CELF2: variants seen among roughly 807,000 people sequenced by gnomAD.
CELF2 encodes CUGBP Elav-like family member 2, also known as CUG triplet repeat RNA-binding protein 2.
In CELF2, 8 loss-of-function variants were observed where a neutral mutation model predicts 62.6. The observed-to-expected ratio is 0.13, with a 90% CI of 0.07 to 0.23. The LOEUF (loss-of-function observed/expected upper bound fraction) is 0.23. CELF2 is among the 10% of genes least tolerant of loss of function. The probability of loss-of-function intolerance (pLI) is 1.00; values close to 1 mark genes in which losing one functional copy is unlikely to be tolerated. For missense variants in CELF2, 333 were observed against 671.0 expected (o/e 0.50, Z 5.56); for synonymous variants, 258 against 250.0 (o/e 1.03, Z -0.30).
intron 1 of CELF2, among the ~76,000 whole-genome samples, chr10:10,860,106 C>CA (rs1213284244): frequency 6.6e-6 from 1 of 151,760 alleles, no homozygotes; most frequent in Non-Finnish European, 1.5e-5. Flanking sequence ...TATATGGAAC[C>CA]AAAAAATAGA....
In CELF2 at chr10:11,285,265, C is replaced by A. The variant is rs139957224; in HGVS notation, c.842-3153C>A. ...CCTCAGATGCTGGGGATCACAGTGT[C>A]CTCTCCTTTCCACTCTTCATCTCAG... is the stretch of plus-strand genomic sequence containing the variant. On this transcript the variant is annotated intron_variant, in intron 8 of 12. Coordinates refer to ENST00000633077, the MANE Select transcript of CELF2 (RefSeq NM_001326342.2). This position sits in a 1 kb window ranked among gnomAD's most constrained non-coding sequence, Gnocchi z 4.3. Among the ~76,000 whole-genome samples, 31 of 152,224 alleles carry A rather than the reference C, an allele frequency of 2.0e-4. No homozygotes were observed. The highest frequency in any genetic ancestry group is 7.2e-4 in the African/African-American group (30 of 41,500).
At chr10:10,530,638 T>G in the CELF2 span, among the ~76,000 whole-genome samples, 19 of 152,192 alleles carry the variant, frequency 1.2e-4, no homozygotes, top group Admixed American at 2.6e-4. Context: ...CTGAAAGCCC[T>G]CTTTGCTCTT....
chr10:11,284,232 G>GGGATGAGTGTGTGGTAAGTGGATGAT (rs2090256567), intron 8 of CELF2, among the ~76,000 whole-genome samples: 1 of 7,006 alleles, frequency 1.4e-4, no homozygotes, highest in Non-Finnish European at 2.8e-4. Flanking sequence ...GGGTGGATGA[G>GGGATGAGTGTGTGGTAAGTGGATGAT]GGATGGAGGG....
At chr10:10,648,491 G>A in the CELF2 span, among the ~76,000 whole-genome samples, 1 of 152,154 alleles carries the variant, frequency 6.6e-6, no homozygotes, top group Non-Finnish European at 1.5e-5. Context: ...GGACAGGAAG[G>A]GTTGCAGTAG....
the CELF2 span, among the ~76,000 whole-genome samples, chr10:10,741,923 T>G: frequency 6.6e-6 from 1 of 152,256 alleles, no homozygotes; most frequent in Admixed American, 6.5e-5. Flanking sequence ...TGGTGATTTC[T>G]CTATTTCATT....
chr10:10,769,790 A>T, the CELF2 span, among the ~76,000 whole-genome samples: 2 of 151,586 alleles, frequency 1.3e-5, no homozygotes, highest in Admixed American at 1.3e-4. Context: ...TAATAATAAT[A>T]ATCTCTTTAT....
Position 10,878,230 on chromosome 10 carries a change from G to A in CELF2, c.54-41734G>A, listed in dbSNP as rs925567206. ...TCCTTCACTCTCTGCTAGAAGGAAA[G>A]ATATTGATTCCAGTGTCAACTAGCT... On this transcript the variant is annotated intron_variant, in intron 1 of 13. Transcript: ENST00000636488. Among the ~76,000 whole-genome samples, 7 of 152,106 alleles carry A rather than the reference G, an allele frequency of 4.6e-5. No individual in the cohort carries two copies. In the East Asian group the frequency reaches 9.7e-4, roughly 21 times the overall value.
chr10:11,288,438 C>G lies in CELF2; in HGVS notation c.862C>G (p.Gln288Glu). ...QMAGMNALQLQNLATLAAAAA... is the reference protein window; with the variant it reads ...QMAGMNALQLENLATLAAAAA... ...CACAGGCATGAATGCTTTACAGTTG[C>G]AGAACCTGGCGACGCTGGCTGCTGC... The change falls in exon 9 of 13, where the codon CAG becomes GAG. Residue 288 changes from glutamine (Q) to glutamate (E), a missense_variant. This residue lies in a region of CELF2 where 253 missense variants were observed against 503.0 expected (regional missense o/e 0.50). Coordinates refer to ENST00000633077, the MANE Select transcript of CELF2 (RefSeq NM_001326342.2). The G allele has an allele frequency of 6.2e-7, 1 of 1,614,118 alleles. No individual in the cohort carries two copies.
intron 1 of CELF2, among the ~76,000 whole-genome samples, chr10:10,862,571 G>T (rs1184777480): frequency 2.0e-5 from 3 of 152,214 alleles, no homozygotes; most frequent in Non-Finnish European, 4.4e-5. Flanking sequence ...GCCAGCCTCA[G>T]AAGTTATTCA....
At chr10:10,593,074 C>T in the CELF2 span, among the ~76,000 whole-genome samples, 1 of 152,064 alleles carries the variant, frequency 6.6e-6, no homozygotes, top group Non-Finnish European at 1.5e-5. Flanking sequence ...TGAGCAAAAG[C>T]AAGCAAGCCA....
At chr10:10,982,773 A>G (rs867452807) in intron 2 of CELF2, among the ~76,000 whole-genome samples, 3 of 152,188 alleles carry the variant, frequency 2.0e-5, no homozygotes, top group Admixed American at 6.5e-5. Context: ...TGTTAAGTCT[A>G]ATTAATTTAT....
chr10:11,028,216 A>G (rs969459791), intron 1 of CELF2, among the ~76,000 whole-genome samples: 1 of 151,998 alleles, frequency 6.6e-6, no homozygotes, highest in African/African-American at 2.4e-5. Flanking sequence ...TAGTGGTCAG[A>G]CCTTTCCATT....
the CELF2 span, among the ~76,000 whole-genome samples, chr10:10,709,392 T>C: frequency 6.6e-6 from 1 of 152,206 alleles, no homozygotes; most frequent in African/African-American, 2.4e-5. Flanking sequence ...TATTTCAAAA[T>C]TGTTTTTGTT....
At chr10:10,535,571 T>C in the CELF2 span, among the ~76,000 whole-genome samples, 1 of 151,930 alleles carries the variant, frequency 6.6e-6, no homozygotes, top group Non-Finnish European at 1.5e-5. Context: ...TACAAAAAAA[T>C]TAGCTGGGCA....
chr10:11,138,860 G>A (rs1003683087), intron 1 of CELF2, among the ~76,000 whole-genome samples: 2 of 152,204 alleles, frequency 1.3e-5, no homozygotes, highest in African/African-American at 4.8e-5. Flanking sequence ...ATTATCAAGT[G>A]TAAGTGGGAA....
In CELF2 at chr10:11,246,202, G is replaced by A. The variant is rs957637655; in HGVS notation, c.355-2951G>A. On this transcript the variant is annotated intron_variant, in intron 3 of 12. Coordinates refer to ENST00000633077, the MANE Select transcript of CELF2 (RefSeq NM_001326342.2). This position sits in a 1 kb window ranked among gnomAD's most constrained non-coding sequence, Gnocchi z 4.6. ...TATGTGGATGCGTATCGACCGCCAT[G>A]ATAGACTGCACACTCCCTGTGGGCA... Among the ~76,000 whole-genome samples, 2 of 152,048 alleles carry A rather than the reference G, an allele frequency of 1.3e-5. No individual in the cohort carries two copies. Among genetic ancestry groups the A allele is most frequent in the African/African-American group, 4.8e-5 (2 of 41,392 alleles).
chr10:10,855,626 T>C (rs1430371203), intron 1 of CELF2, among the ~76,000 whole-genome samples: 2 of 152,246 alleles, frequency 1.3e-5, no homozygotes, highest in Non-Finnish European at 2.9e-5. Context: ...TTCATTCTGC[T>C]GCAGGTCTCA....
intron 1 of CELF2, among the ~76,000 whole-genome samples, chr10:10,833,973 A>G (rs2058076201): frequency 6.6e-6 from 1 of 152,238 alleles, no homozygotes; most frequent in African/African-American, 2.4e-5. Context: ...TATATACCCA[A>G]AAGAATATAA....
chr10:10,971,513 T>G (rs2050750219), intron 2 of CELF2, among the ~76,000 whole-genome samples: 1 of 152,226 alleles, frequency 6.6e-6, no homozygotes, highest in African/African-American at 2.4e-5. Flanking sequence ...GTGCCTGTCC[T>G]TCCTTTCAAA....
Sources: allele counts gnomAD v4.1 joint callset (sites outside exome capture counted in the v4.1 genomes callset), GRCh38; gene constraint gnomAD v4.1.1; regional missense constraint gnomAD v4.1.1; non-coding constraint Gnocchi (gnomAD v3.1); transcripts MANE v1.5; gene names NCBI Gene and HGNC (gene_info 2026-07-23, HGNC 2026-07-21).